The following PLCH2 variants were observed in gnomAD, a reference collection of about 807,000 sequenced individuals.
PLCH2 encodes the protein 1-phosphatidylinositol 4,5-bisphosphate phosphodiesterase eta-2.
In PLCH2, 98 loss-of-function variants were observed where a neutral mutation model predicts 134.7. The ratio of observed to expected loss-of-function variants is 0.73; its 90% CI spans 0.62 to 0.86. The LOEUF is 0.86. Among genes scored for constraint, PLCH2 ranks in the 40% least tolerant of loss-of-function variants. The probability of loss-of-function intolerance (pLI) is 0.00; values close to 1 mark genes in which losing one functional copy is unlikely to be tolerated. For missense variants in PLCH2, 1,994 were observed against 1,986.6 expected (o/e 1.00, Z -0.07); for synonymous variants, 974 against 827.5 (o/e 1.18, Z -3.04).
At chr1:2,462,891 G>A (rs568063960), upstream of PLCH2, among the ~76,000 whole-genome samples, 2 of 152,308 alleles carry the variant, frequency 1.3e-5, no homozygotes, top group African/African-American at 4.8e-5. Context: ...GGCCCTTCGA[G>A]GCCCCCACAG....
At chr1:2,487,473 C>A in intron 7 of PLCH2, 97 bp downstream of exon 7, 2 of 1,468,078 alleles carry the variant, frequency 1.4e-6, no homozygotes, top group Non-Finnish European at 1.9e-6. Context: ...TGGGCAGGGG[C>A]TGGGAAGGCC....
chr1:2,433,912 A>C, intron 2 of PLCH2, among the ~76,000 whole-genome samples: 1 of 152,240 alleles, frequency 6.6e-6, no homozygotes, highest in South Asian at 2.1e-4. Flanking sequence ...TGGTCCCTTC[A>C]AACGTTTGAA....
At chr1:2,447,189 G>T (rs917959431) in intron 2 of PLCH2, among the ~76,000 whole-genome samples, 20 of 152,234 alleles carry the variant, frequency 1.3e-4, no homozygotes, top group Admixed American at 3.3e-4. Flanking sequence ...GAGGAGCCAG[G>T]CTTGATGGCA....
In PLCH2 at chr1:2,489,211, C is replaced by T; in HGVS notation, c.1240C>T (p.Pro414Ser). Reference sequence around the variant, plus strand: ...CTTTCTGCCTTGGGGCCACAGGTACCCAGTGATCCTGTCCATCGAAAACCA... The same window carrying T: ...CTTTCTGCCTTGGGGCCACAGGTACTCAGTGATCCTGTCCATCGAAAACCA... ...NKYAFIKNEY[P>S]VILSIENHCS... The change falls in exon 9 of 22, where the codon CCA (proline) becomes TCA (serine). Residue 414 changes from proline (P) to serine (S), a missense_variant. Transcript: ENST00000378486. 1 of 1,613,520 alleles carries T rather than the reference C, an allele frequency of 6.2e-7. No homozygotes were observed. The highest frequency in any genetic ancestry group is 8.5e-7 in the Non-Finnish European group (1 of 1,179,626).
intron 5 of PLCH2, among the ~76,000 whole-genome samples, chr1:2,485,723 C>T (rs949765238): frequency 3.3e-5 from 5 of 152,048 alleles, no homozygotes; most frequent in South Asian, 2.1e-4. Context: ...TGGCCACCTG[C>T]GCTGCGTCAG....
intron 8 of PLCH2, 65 bp downstream of exon 8, chr1:2,487,783 C>A (rs553958718): frequency 1.4e-6 from 2 of 1,471,222 alleles, no homozygotes; most frequent in Non-Finnish European, 1.9e-6. Context: ...CAGGCTCTAG[C>A]TCTTCCTGCC....
chr1:2,505,300 C>A lies in PLCH2; in HGVS notation c.*87C>A. 1 of 1,044,074 alleles carries A rather than the reference C, an allele frequency of 9.6e-7. No individual in the cohort carries two copies. Among genetic ancestry groups the A allele is most frequent in the East Asian group, 2.7e-5 (1 of 36,950 alleles). The allele number at this position is 1,044,074 out of a possible 1,614,324, so 64.7% of individuals were successfully genotyped here. A position where few individuals can be genotyped will look rare whatever the true frequency, so the allele number is the denominator to read the frequency against. On this transcript the variant is annotated 3_prime_UTR_variant, in exon 22 of 22. Transcript: ENST00000378486. Reference sequence around the variant, plus strand: ...GCTCAGGAAACAGGGCAGCCAGGCCCCCAAAACTGTGTCCCCCTGGCTGCC... The same window carrying A: ...GCTCAGGAAACAGGGCAGCCAGGCCACCAAAACTGTGTCCCCCTGGCTGCC...
At chr1:2,476,959 G>A (rs1351575745) in intron 1 of PLCH2, among the ~76,000 whole-genome samples, 1 of 152,212 alleles carries the variant, frequency 6.6e-6, no homozygotes, top group Non-Finnish European at 1.5e-5. Context: ...CCTGGGGGCT[G>A]AACCCAAGGG....
At chr1:2,457,565 A>AC (rs1640555327) in intron 2 of PLCH2, among the ~76,000 whole-genome samples, 1 of 152,028 alleles carries the variant, frequency 6.6e-6, no homozygotes, top group South Asian at 2.1e-4. Context: ...ACGGGGCCGC[A>AC]CCCACCCTGG....
chr1:2,477,435 C>G (rs1007243220), intron 1 of PLCH2, among the ~76,000 whole-genome samples: 6 of 152,250 alleles, frequency 3.9e-5, no homozygotes, highest in African/African-American at 1.4e-4. Flanking sequence ...CCGGCCAGTA[C>G]TGCCCTTGGT....
At chr1:2,495,431 G>T (rs1333102997) in intron 12 of PLCH2, 57 bp from the exon 13 acceptor site, 14 of 1,478,126 alleles carry the variant, frequency 9.5e-6, no homozygotes, top group Non-Finnish European at 1.3e-5. Context: ...CCCAGCCTTC[G>T]CCAAGGCCTG....
At chr1:2,445,815 A>G (rs948309994) in intron 2 of PLCH2, among the ~76,000 whole-genome samples, 1 of 152,236 alleles carries the variant, frequency 6.6e-6, no homozygotes, top group African/African-American at 2.4e-5. Context: ...CAGGTCTGAC[A>G]ATACGAGTTG....
At chr1:2,497,152 T>A in intron 15 of PLCH2, 142 bp downstream of exon 15, 1 of 834,740 alleles carries the variant, frequency 1.2e-6, no homozygotes, top group Non-Finnish European at 1.8e-6. Flanking sequence ...CACACCTCTG[T>A]GGCATGCTGC....
At chr1:2,430,998 G>T (rs1334846306) in intron 2 of PLCH2, among the ~76,000 whole-genome samples, 1 of 152,230 alleles carries the variant, frequency 6.6e-6, no homozygotes, top group African/African-American at 2.4e-5. Context: ...GTCACTGTCA[G>T]AAGGGCGAAG....
At position 2,495,561 on chromosome 1, in the gene PLCH2, A is replaced by G; in HGVS notation, c.1826A>G (p.Gln609Arg). The G allele has an allele frequency of 1.9e-6, 3 of 1,548,348 alleles. No homozygotes were observed. Among genetic ancestry groups the G allele is most frequent in the Non-Finnish European group, 2.6e-6 (3 of 1,145,488 alleles). The stretch of plus-strand genomic sequence containing the variant: ...GAGGGTCAGGACTCCCCGGGAGGCC[A>G]GAGCCGAGGGTAGGTGCCCTGCCCC... ...GDEGQDSPGG[Q>R]SRGATRQKKT... The change falls in exon 13 of 22, where the codon CAG becomes CGG. Residue 609 changes from glutamine (Q) to arginine (R), a missense_variant. Gln to Arg is a conservative substitution (Grantham distance 43). This residue lies in a region of PLCH2 where 1,094 missense variants were observed against 1,234.3 expected (regional missense o/e 0.89). Coordinates refer to ENST00000378486, the MANE Select transcript of PLCH2 (RefSeq NM_014638.4).
At chr1:2,436,243 CCCTCCTCCCCTCCTCCCT>C (rs1460057988) in intron 2 of PLCH2, among the ~76,000 whole-genome samples, 8 of 120,446 alleles carry the variant, frequency 6.6e-5, no homozygotes, top group East Asian at 2.5e-4. Context: ...CCTCCTTCCT[CCCTCCTCCCCTCCTCCCT>C]CCTCCTCCTT....
chr1:2,470,200 C>T (rs991551354), intron 1 of PLCH2, among the ~76,000 whole-genome samples: 9 of 152,214 alleles, frequency 5.9e-5, no homozygotes, highest in Non-Finnish European at 1.2e-4. Context: ...CTGGCTGCTC[C>T]GACTTTCAGG....
chr1:2,504,781 C>G lies in PLCH2; in HGVS notation c.3819C>G (p.Ser1273=). ...TTGCCCCTAGCTTTGAGGGCGGCTCCCGCAGACTGAGCCACAGCCTGGGCC... is the reference window on the plus strand; with the variant it reads ...TTGCCCCTAGCTTTGAGGGCGGCTCGCGCAGACTGAGCCACAGCCTGGGCC... The part of the protein sequence containing the change: ...DDFAPSFEGG[S]RRLSHSLGLP... Residue 1273 remains serine, a synonymous_variant, in exon 22 of 22, where the codon TCC becomes TCG. Transcript: ENST00000378486. 1 of 1,612,148 alleles carries G rather than the reference C, an allele frequency of 6.2e-7. No homozygotes were observed. Among genetic ancestry groups the G allele is most frequent in the Non-Finnish European group, 8.5e-7 (1 of 1,179,716 alleles).
chr1:2,499,738 C>T lies in PLCH2; in HGVS notation c.2661+18C>T, dbSNP rs1643112822. ...GCGGTAAGGTGAGTGTCACCCCCTG[C>T]CACCAGCCATCATGGGGAGGGGCCA... On this transcript the variant is annotated intron_variant, in intron 20 of 21. Transcript: ENST00000378486. 1.3e-6 allele frequency: 2 copies of T among 1,553,344 alleles called. No homozygotes were observed.
Sources: allele counts gnomAD v4.1 joint callset (sites outside exome capture counted in the v4.1 genomes callset), GRCh38; gene constraint gnomAD v4.1.1; regional missense constraint gnomAD v4.1.1; transcripts MANE v1.5; gene names NCBI Gene and HGNC (gene_info 2026-07-23, HGNC 2026-07-21).